Variants in ABCA13 observed in about 807,000 individuals in gnomAD.
The protein encoded by ABCA13 is ATP-binding cassette sub-family A member 13.
A neutral mutation model predicts 478.7 loss-of-function variants in ABCA13; 476 were observed. The ratio of observed to expected loss-of-function variants is 0.99; its 90% CI spans 0.92 to 1.07. The LOEUF is 1.07. ABCA13 is among the 50% of genes least tolerant of loss of function. ABCA13 has a pLI of 0.00. For missense variants in ABCA13, 6,060 were observed against 5,910.6 expected (o/e 1.03, Z -0.83); for synonymous variants, 2,252 against 2,158.9 (o/e 1.04, Z -1.20).
rs1171727688 is a variant in ABCA13 at position 48,352,340 on chromosome 7, C to G, written c.10541C>G (p.Pro3514Arg). ...PSWKFHPQNL[P>R]ADGFKYNYVF... The stretch of plus-strand genomic sequence containing the variant: ...TGGAAGTTCCACCCTCAGAATCTAC[C>G]AGCTGATGGGTTCAAATATAACTAC... Residue 3514 changes from proline (P) to arginine (R), a missense_variant, in exon 31 of 62, where the codon CCA (proline) becomes CGA (arginine). Pro to Arg is a moderately radical substitution (Grantham distance 103). Transcript: ENST00000435803. 11 of 1,613,732 alleles carry G rather than the reference C, an allele frequency of 6.8e-6. No homozygotes were observed. The highest frequency in any genetic ancestry group is 9.3e-6 in the Non-Finnish European group (11 of 1,179,868).
At chr7:48,435,219 C>T (rs1822674852) in intron 42 of ABCA13, among the ~76,000 whole-genome samples, 1 of 151,726 alleles carries the variant, frequency 6.6e-6, no homozygotes, top group African/African-American at 2.4e-5. Flanking sequence ...AGTTGCTTGC[C>T]CTCATGATTA....
At chr7:48,394,424 C>T (rs1445386400) in intron 38 of ABCA13, among the ~76,000 whole-genome samples, 1 of 152,186 alleles carries the variant, frequency 6.6e-6, no homozygotes, top group Non-Finnish European at 1.5e-5. Context: ...CACTGCCGTC[C>T]TGGCTCTTCT....
At chr7:48,614,537 A>G (rs971380383) in intron 58 of ABCA13, among the ~76,000 whole-genome samples, 2 of 151,086 alleles carry the variant, frequency 1.3e-5, no homozygotes, top group Non-Finnish European at 1.5e-5. Flanking sequence ...ATTACTGGGT[A>G]TATACCCAAA....
At chr7:48,449,985 T>C (rs1271151496) in intron 42 of ABCA13, among the ~76,000 whole-genome samples, 1 of 152,218 alleles carries the variant, frequency 6.6e-6, no homozygotes, top group Non-Finnish European at 1.5e-5. Context: ...ATTATGTATA[T>C]TTCACTGTGC....
At chr7:48,493,259 G>C (rs117931977) in intron 48 of ABCA13, among the ~76,000 whole-genome samples, 2,814 of 152,098 alleles carry the variant, frequency 0.019, 29 homozygotes, top group Non-Finnish European at 0.027. Flanking sequence ...ATATTTTAGG[G>C]TTACTATAGT....
chr7:48,278,793 G>A lies in ABCA13; in HGVS notation c.7599G>A (p.Ser2533=), dbSNP rs758227866. 28 of 1,613,724 alleles carry A rather than the reference G, an allele frequency of 1.7e-5. No homozygotes were observed. The East Asian group carries it at 3.6e-4, about 21-fold the overall frequency. Residue 2533 remains serine, a synonymous_variant, in exon 18 of 62, where the codon TCG becomes TCA. Transcript: ENST00000435803. ...VKLLKLVKKV[S]GKMSTVFKTH... is the part of the protein sequence containing the mutation. ...TTCTTAAGCTGGTCAAGAAAGTTTC[G>A]GGGAAGATGTCCACAGTTTTTAAAA... is the stretch of plus-strand genomic sequence containing the variant.
Position 48,483,180 on chromosome 7 carries a change from A to T in ABCA13, c.13182+17A>T. On this transcript the variant is annotated intron_variant, in intron 47 of 61. Coordinates refer to ENST00000435803, the MANE Select transcript of ABCA13 (RefSeq NM_152701.5). The stretch of plus-strand genomic sequence containing the variant: ...CTGGCAAAGGTAATCATATTTTTTT[A>T]TTTTTTTCCTGTTTTAGAAAGTATT... The T allele has an allele frequency of 6.3e-7, 1 of 1,592,452 alleles. No individual in the cohort carries two copies. Among genetic ancestry groups the T allele is most frequent in the Non-Finnish European group, 8.6e-7 (1 of 1,167,950 alleles).
intron 29 of ABCA13, among the ~76,000 whole-genome samples, chr7:48,344,803 G>A (rs926588656): frequency 6.6e-6 from 1 of 152,182 alleles, no homozygotes; most frequent in African/African-American, 2.4e-5. Context: ...AGGTTGGGGA[G>A]TGTACTCAAG....
At chr7:48,318,547 C>T (rs1334943503) in intron 27 of ABCA13, among the ~76,000 whole-genome samples, 1 of 146,262 alleles carries the variant, frequency 6.8e-6, no homozygotes, top group African/African-American at 2.5e-5. Flanking sequence ...GTCTTGTCTA[C>T]TTCCTAAAAA....
At chr7:48,194,630 GGTT>G (rs1404607899) in intron 2 of ABCA13, among the ~76,000 whole-genome samples, 2 of 152,120 alleles carry the variant, frequency 1.3e-5, no homozygotes, top group African/African-American at 4.8e-5. Flanking sequence ...TGTATAATGT[GGTT>G]GACTCTGTAA....
intron 55 of ABCA13, among the ~76,000 whole-genome samples, chr7:48,556,795 A>G (rs1325949637): frequency 6.6e-6 from 1 of 151,796 alleles, no homozygotes; most frequent in Non-Finnish European, 1.5e-5. Flanking sequence ...AGTTTTGTCA[A>G]CTTACACTCA....
At chr7:48,615,066 AAAG>A (rs1472106462) in intron 58 of ABCA13, among the ~76,000 whole-genome samples, 10 of 151,078 alleles carry the variant, frequency 6.6e-5, no homozygotes, top group African/African-American at 2.4e-4. Flanking sequence ...AATAAATAAA[AAAG>A]AAAATACTGA....
intron 8 of ABCA13, among the ~76,000 whole-genome samples, chr7:48,236,264 C>T (rs1175759262): frequency 6.6e-6 from 1 of 152,070 alleles, no homozygotes. Context: ...CCCAGGTGAT[C>T]AGAGTTATTT....
At chr7:48,507,744 A>G in intron 49 of ABCA13, 128 bp from the exon 50 acceptor site, 4 of 1,141,846 alleles carry the variant, frequency 3.5e-6, no homozygotes, top group Non-Finnish European at 4.9e-6. Context: ...GCCCTTAGCC[A>G]ACATGCCTGG....
chr7:48,432,030 A>G (rs1822217548), intron 42 of ABCA13, among the ~76,000 whole-genome samples: 1 of 152,224 alleles, frequency 6.6e-6, no homozygotes, highest in Non-Finnish European at 1.5e-5. Context: ...AATTTTACAT[A>G]CGTAACAAAC....
chr7:48,562,580 A>G (rs1307889210), intron 55 of ABCA13, among the ~76,000 whole-genome samples: 3 of 152,204 alleles, frequency 2.0e-5, no homozygotes, highest in Admixed American at 1.3e-4. Context: ...AGTGAAAAAA[A>G]TAGAATCAAA....
intron 11 of ABCA13, 67 bp downstream of exon 11, chr7:48,244,770 G>T (rs973262698): frequency 9.2e-5 from 139 of 1,513,950 alleles, no homozygotes; most frequent in Middle Eastern, 7.0e-4. Flanking sequence ...ATTGGAAAAT[G>T]GACTTGAAAC....
chr7:48,196,508 G>A (rs1438835527), intron 2 of ABCA13, among the ~76,000 whole-genome samples: 1 of 152,118 alleles, frequency 6.6e-6, no homozygotes, highest in Non-Finnish European at 1.5e-5. Context: ...AATTTCCCCT[G>A]GCTCCCAGGG....
At chr7:48,466,197 C>T (rs1172155011) in intron 43 of ABCA13, among the ~76,000 whole-genome samples, 1 of 152,126 alleles carries the variant, frequency 6.6e-6, no homozygotes. Context: ...TTTTTCTCTA[C>T]ATTTTCTCAA....
Sources: allele counts gnomAD v4.1 joint callset (sites outside exome capture counted in the v4.1 genomes callset), GRCh38; gene constraint gnomAD v4.1.1; transcripts MANE v1.5; gene names NCBI Gene and HGNC (gene_info 2026-07-23, HGNC 2026-07-21).